TNR: variants seen among roughly 807,000 people sequenced by gnomAD.
TNR encodes the protein tenascin-R.
TNR carries 45 observed loss-of-function variants against 150.4 expected under a neutral mutation model. The observed-to-expected ratio is 0.30, with a 90% CI of 0.24 to 0.38. The LOEUF (loss-of-function observed/expected upper bound fraction) is 0.38, where lower values mean the gene tolerates loss of function less well. TNR is among the 10% of genes least tolerant of loss of function. TNR has a pLI of 1.00. For synonymous variants in TNR, 687 were observed against 678.4 expected (o/e 1.01, Z -0.20); for missense variants, 1,544 against 1,759.1 (o/e 0.88, Z 2.19).
At chr1:175,434,060 T>C (rs902103909) in intron 2 of TNR, among the ~76,000 whole-genome samples, 1 of 152,204 alleles carries the variant, frequency 6.6e-6, no homozygotes, top group African/African-American at 2.4e-5. Context: ...TAAATTTTCT[T>C]GCAAAGTGTC....
intron 1 of TNR, among the ~76,000 whole-genome samples, chr1:175,668,626 GGGACTTACACC>G (rs1244501773): frequency 3.9e-5 from 6 of 152,176 alleles, no homozygotes; most frequent in Non-Finnish European, 8.8e-5. Flanking sequence ...AAAAGAGTCA[GGGACTTACACC>G]GGACACAGCT....
At chr1:175,708,498 A>AT in intron 1 of TNR, among the ~76,000 whole-genome samples, 1 of 152,282 alleles carries the variant, frequency 6.6e-6, no homozygotes, top group East Asian at 1.9e-4. Flanking sequence ...GCACTTTATG[A>AT]TTTTCCACAC....
intron 2 of TNR, among the ~76,000 whole-genome samples, chr1:175,416,142 A>T (rs1393773222): frequency 4.0e-5 from 6 of 149,538 alleles, no homozygotes; most frequent in South Asian, 2.1e-4. Flanking sequence ...ACACACACAC[A>T]CTATATATAT....
chr1:175,726,043 T>A (rs12139595), intron 1 of TNR, among the ~76,000 whole-genome samples: 27,387 of 152,208 alleles, frequency 0.18, 2,608 homozygotes, highest in Middle Eastern at 0.25. Flanking sequence ...CCCTGAGGTT[T>A]CCAGCACGTC....
intron 2 of TNR, among the ~76,000 whole-genome samples, chr1:175,413,119 A>G (rs556744678): frequency 1.3e-5 from 2 of 152,208 alleles, no homozygotes; most frequent in Admixed American, 6.5e-5. Flanking sequence ...TCCATCTCCC[A>G]GGCTCAAGCA....
At chr1:175,720,679 A>G (rs945118090) in intron 1 of TNR, among the ~76,000 whole-genome samples, 6 of 152,214 alleles carry the variant, frequency 3.9e-5, no homozygotes, top group Admixed American at 3.9e-4. Flanking sequence ...ATAGATTTTA[A>G]TGTGCAACAA....
At position 175,337,660 on chromosome 1, in the gene TNR, A is replaced by G. The variant is rs1429443855; in HGVS notation, c.3402T>C (p.His1134=). 2 of 1,614,156 alleles carry G rather than the reference A, an allele frequency of 1.2e-6. No individual in the cohort carries two copies. The highest frequency in any genetic ancestry group is 1.7e-6 in the Non-Finnish European group (2 of 1,180,018). The part of the protein sequence containing the change: ...AFTTGGRVFP[H]PQDCAQHLMN... ...TCAAATGCTGGGCACAGTCTTGGGG[A>G]TGAGGGAACACCCGGCCTCCTGCAA... The change falls in exon 19 of 23, where the codon CAT becomes CAC. Residue 1134 remains histidine (H), a synonymous_variant. Coordinates refer to ENST00000367674, the MANE Select transcript of TNR (RefSeq NM_003285.3).
In TNR at chr1:175,317,997, T is replaced by C. The variant is rs1489772565; in HGVS notation, c.*5360A>G. 1 of 152,192 alleles carries C rather than the reference T, an allele frequency of 6.6e-6. No homozygotes were observed. Among genetic ancestry groups the C allele is most frequent in the Non-Finnish European group, 1.5e-5 (1 of 68,044 alleles). 9.4% of individuals were successfully genotyped at this position (152,192 alleles called of 1,614,324 possible). A position where few individuals can be genotyped will look rare whatever the true frequency, so the allele number is the denominator to read the frequency against. ...ATGAAGTCATGTTTCAGGCAAAGAT[T>C]GACCTTAAAAAAATAAACAGAATGC... On this transcript the variant is annotated 3_prime_UTR_variant, in exon 23 of 23. Coordinates refer to ENST00000367674, the MANE Select transcript of TNR (RefSeq NM_003285.3).
intron 2 of TNR, among the ~76,000 whole-genome samples, chr1:175,419,026 C>T (rs1304199989): frequency 2.6e-5 from 4 of 152,090 alleles, no homozygotes; most frequent in African/African-American, 4.8e-5. Flanking sequence ...TTTTTCTTAT[C>T]GCTTATCTTA....
At chr1:175,511,629 G>A (rs1225934641) in intron 2 of TNR, among the ~76,000 whole-genome samples, 1 of 152,204 alleles carries the variant, frequency 6.6e-6, no homozygotes, top group South Asian at 2.1e-4. Flanking sequence ...AGAGGCAGGG[G>A]TCTGAGCAGG....
rs1557867633 is a variant in TNR, at chr1:175,331,051, T to TTCTTTCTTTCTTTCTTTCTTTCCTTC, written c.3632-817_3632-816insGAAGGAAAGAAAGAAAGAAAGAAAGA. Among the ~76,000 whole-genome samples, 212 of 106,752 alleles carry TTCTTTCTTTCTTTCTTTCTTTCCTTC rather than the reference T, an allele frequency of 2.0e-3. 12 individuals are homozygous for TTCTTTCTTTCTTTCTTTCTTTCCTTC. The highest frequency in any genetic ancestry group is 3.5e-3 in the Admixed American group (34 of 9,630). 70.0% of individuals were successfully genotyped at this position (106,752 alleles called of 152,430 possible). On this transcript the variant is annotated intron_variant, in intron 20 of 22. Coordinates refer to ENST00000367674, the MANE Select transcript of TNR (RefSeq NM_003285.3). ...TTTCTTTCTTTCTTTCTTTCTTTCTTTCTTTCTTTCTTTCTTTCTTTCTTT... is the reference window on the plus strand; with the variant it reads ...TTTCTTTCTTTCTTTCTTTCTTTCTTTCTTTCTTTCTTTCTTTCTTTCCTTCTCTTTCTTTCTTTCTTTCTTTCTTT...
chr1:175,438,041 A>G (rs1037219511), intron 2 of TNR, among the ~76,000 whole-genome samples: 9 of 152,210 alleles, frequency 5.9e-5, no homozygotes, highest in Admixed American at 5.2e-4. Flanking sequence ...GGCCAGCATA[A>G]TCCAGATACC....
chr1:175,735,507 C>T (rs55843910), intron 1 of TNR, among the ~76,000 whole-genome samples: 1,614 of 152,288 alleles, frequency 0.011, 24 homozygotes, highest in African/African-American at 0.037. Context: ...TCCACACAAA[C>T]GCCAGCACTC....
intron 2 of TNR, among the ~76,000 whole-genome samples, chr1:175,509,850 G>A (rs1404250799): frequency 2.0e-5 from 3 of 152,152 alleles, no homozygotes; most frequent in East Asian, 3.8e-4. Context: ...TTTTCCTGAG[G>A]ATTGAACTAA....
chr1:175,442,307 A>AC (rs773319659), intron 2 of TNR, among the ~76,000 whole-genome samples: 24 of 151,798 alleles, frequency 1.6e-4, no homozygotes, highest in Non-Finnish European at 2.8e-4. Flanking sequence ...GGACAAGACG[A>AC]CCCCCCATCA....
chr1:175,649,509 C>T (rs1558053905), intron 1 of TNR, among the ~76,000 whole-genome samples: 1 of 152,152 alleles, frequency 6.6e-6, no homozygotes, highest in Non-Finnish European at 1.5e-5. Flanking sequence ...CAGACAGCAT[C>T]TTCCTTGTTT....
At chr1:175,337,358 T>C (rs558681605) in intron 19 of TNR, among the ~76,000 whole-genome samples, 170 bp downstream of exon 19, 11 of 152,294 alleles carry the variant, frequency 7.2e-5, no homozygotes, top group South Asian at 2.1e-4. Context: ...AGATATATGA[T>C]TGGACTCTGA....
At chr1:175,364,865 T>A (rs1651759111) in intron 12 of TNR, 145 bp downstream of exon 12, 1 of 967,928 alleles carries the variant, frequency 1.0e-6, no homozygotes, top group Admixed American at 2.5e-5. Context: ...AGGAAGTAGC[T>A]GTTTCAGAAC....
intron 2 of TNR, among the ~76,000 whole-genome samples, chr1:175,425,804 C>T (rs1015702189): frequency 6.6e-6 from 1 of 152,188 alleles, no homozygotes; most frequent in Non-Finnish European, 1.5e-5. Flanking sequence ...TCAGGCCCTT[C>T]TTCTCTAAGC....
Sources: allele counts gnomAD v4.1 joint callset (sites outside exome capture counted in the v4.1 genomes callset), GRCh38; gene constraint gnomAD v4.1.1; transcripts MANE v1.5; gene names NCBI Gene and HGNC (gene_info 2026-07-23, HGNC 2026-07-21).